METTL24: variants seen among roughly 807,000 people sequenced by gnomAD.
METTL24 encodes probable methyltransferase-like protein 24.
METTL24 carries 29 observed loss-of-function variants against 32.7 expected under a neutral mutation model. The observed-to-expected ratio is 0.89, with a 90% CI of 0.66 to 1.21. The LOEUF is 1.21. Ranked by LOEUF, METTL24 falls within the 50% of genes most tolerant of loss-of-function variation. The pLI is 0.00. For missense variants in METTL24, 439 were observed against 468.1 expected, an observed-to-expected ratio of 0.94 and a Z score of 0.57; for synonymous variants, 163 against 179.5, an observed-to-expected ratio of 0.91 and a Z score of 0.73.
At chr6:110,299,337 G>A (rs986955931) in intron 3 of METTL24, among the ~76,000 whole-genome samples, 187 bp from the exon 4 acceptor site, 8 of 151,960 alleles carry the variant, frequency 5.3e-5, no homozygotes, top group Non-Finnish European at 8.8e-5. Context: ...CAAAGCTTCT[G>A]GATAAAAGAT....
At chr6:110,289,543 G>A (rs1358658960) in intron 4 of METTL24, among the ~76,000 whole-genome samples, 1 of 151,320 alleles carries the variant, frequency 6.6e-6, no homozygotes, top group Admixed American at 6.6e-5. Flanking sequence ...TAGTTAAAAA[G>A]AAAATTAAAG....
rs561680159 is a variant in METTL24, at chr6:110,325,974, T to G, written c.319-3102A>C. 2.4e-4 allele frequency among the ~76,000 whole-genome samples: 36 copies of G among 152,328 alleles called. 1 individual carries two copies. The highest frequency in any genetic ancestry group is 7.7e-4 in the African/African-American group (32 of 41,566). Reference sequence around the variant, plus strand: ...ATACTTGACTGTCTCAAAAAGACACTGGATGGGCCTCAAAGGCGAGTTCTC... The same window carrying G: ...ATACTTGACTGTCTCAAAAAGACACGGGATGGGCCTCAAAGGCGAGTTCTC... On this transcript the variant is annotated intron_variant, in intron 1 of 4. Transcript: ENST00000338882.
At chr6:110,303,207 C>G (rs910129754) in intron 3 of METTL24, among the ~76,000 whole-genome samples, 3 of 152,152 alleles carry the variant, frequency 2.0e-5, no homozygotes, top group African/African-American at 4.8e-5. Flanking sequence ...CCACCAGAGC[C>G]CTGGGTTTCA....
At chr6:110,342,743 ATC>A (rs1772384619) in intron 1 of METTL24, among the ~76,000 whole-genome samples, 1 of 152,116 alleles carries the variant, frequency 6.6e-6, no homozygotes, top group Non-Finnish European at 1.5e-5. Flanking sequence ...GCAACCACTA[ATC>A]TACTTTCTGT....
intron 4 of METTL24, among the ~76,000 whole-genome samples, chr6:110,270,336 T>A (rs578216106): frequency 1.9e-4 from 29 of 151,734 alleles, no homozygotes; most frequent in African/African-American, 7.0e-4. Context: ...CATGAGGCAA[T>A]GCAGTTTTAC....
At chr6:110,324,715 G>A (rs1771989035) in intron 1 of METTL24, among the ~76,000 whole-genome samples, 1 of 152,194 alleles carries the variant, frequency 6.6e-6, no homozygotes. Flanking sequence ...ACTCTAGTAA[G>A]AGAGCTGGAG....
At chr6:110,296,925 C>T (rs1456952260) in intron 4 of METTL24, among the ~76,000 whole-genome samples, 1 of 152,204 alleles carries the variant, frequency 6.6e-6, no homozygotes, top group Non-Finnish European at 1.5e-5. Flanking sequence ...TCTAGCCCCG[C>T]ATAGCTCCTA....
chr6:110,299,036 C>T lies in METTL24; in HGVS notation c.672G>A (p.Trp224Ter), dbSNP rs780690073. The T allele has an allele frequency of 6.2e-7, 1 of 1,614,148 alleles. No homozygotes were observed. Among genetic ancestry groups the T allele is most frequent in the Non-Finnish European group, 8.5e-7 (1 of 1,180,020 alleles). The change falls in exon 4 of 5, where the codon TGG becomes TGA. Residue 224 changes from tryptophan to a stop codon, truncating the protein, a stop_gained. Transcript: ENST00000338882. LOFTEE classifies it high-confidence loss of function. ...GCCAGTCAATGGACAAGCGGTGATA[C>T]CAAAGGTGCTGACTCTCCAGAATGT... Reference protein sequence around the residue: ...SAHILESQHLWYHRLSIDWRD... With the variant: ...SAHILESQHL
intron 3 of METTL24, among the ~76,000 whole-genome samples, chr6:110,314,878 C>A (rs544677468): frequency 3.3e-5 from 5 of 152,208 alleles, no homozygotes; most frequent in African/African-American, 1.2e-4. Flanking sequence ...GTGGGAAGAT[C>A]ACTGGAGCCT....
chr6:110,278,928 G>A (rs1038208300), intron 4 of METTL24, among the ~76,000 whole-genome samples: 2 of 152,092 alleles, frequency 1.3e-5, no homozygotes, highest in Non-Finnish European at 2.9e-5. Context: ...AGGCTGAGGT[G>A]GGAGGATCGC....
intron 1 of METTL24, among the ~76,000 whole-genome samples, chr6:110,335,061 C>A (rs749016760): frequency 6.6e-6 from 1 of 152,138 alleles, no homozygotes; most frequent in Non-Finnish European, 1.5e-5. Flanking sequence ...CGACTGGACT[C>A]CTCTGGAACC....
rs1387136305 is a variant in METTL24 at position 110,245,270 on chromosome 6, C to G, written c.*676G>C. 6.6e-6 allele frequency among the ~76,000 whole-genome samples: 1 copy of G among 152,140 alleles called. No individual in the cohort carries two copies. The highest frequency in any genetic ancestry group is 1.5e-5 in the Non-Finnish European group (1 of 68,022). Reference sequence around the variant, plus strand: ...AATTCTCTGTCTGGCTGTCTTCAAGCTGGGACATGGGTCTTGGTGAGGTCA... The same window carrying G: ...AATTCTCTGTCTGGCTGTCTTCAAGGTGGGACATGGGTCTTGGTGAGGTCA... On this transcript the variant is annotated 3_prime_UTR_variant, in exon 5 of 5. Transcript: ENST00000338882.
At chr6:110,275,306 C>T (rs936264221) in intron 4 of METTL24, among the ~76,000 whole-genome samples, 33 of 152,218 alleles carry the variant, frequency 2.2e-4, no homozygotes, top group African/African-American at 7.5e-4. Context: ...ACCCCCCTTT[C>T]TTGCCTCATG....
intron 1 of METTL24, among the ~76,000 whole-genome samples, chr6:110,335,566 GTTTTTT>G (rs527344096): frequency 0.027 from 1,757 of 66,218 alleles, 17 homozygotes; most frequent in African/African-American, 0.077. Flanking sequence ...GGGAATCATT[GTTTTTT>G]TTTTTTTTTT....
At chr6:110,344,058 A>G (rs1310516389) in intron 1 of METTL24, among the ~76,000 whole-genome samples, 1 of 152,190 alleles carries the variant, frequency 6.6e-6, no homozygotes, top group East Asian at 1.9e-4. Flanking sequence ...GCTGGAAGAG[A>G]TGAGATCACC....
At chr6:110,259,761 G>C (rs1364948558) in intron 4 of METTL24, among the ~76,000 whole-genome samples, 1 of 152,158 alleles carries the variant, frequency 6.6e-6, no homozygotes, top group Admixed American at 6.5e-5. Context: ...ACTCCTCTGA[G>C]ACAAAACTTC....
Position 110,342,114 on chromosome 6 carries a change from A to G in METTL24, c.318+15841T>C, listed in dbSNP as rs143585166. On this transcript the variant is annotated intron_variant, in intron 1 of 4. Coordinates refer to ENST00000338882, the MANE Select transcript of METTL24 (RefSeq NM_001123364.3). ...AGCTTCCTGGCCACATCTTTTGACA[A>G]CCCCCTGGTGGTCAGTGTCAGTGCT... 2.6e-4 allele frequency among the ~76,000 whole-genome samples: 40 copies of G among 152,230 alleles called. No individual in the cohort carries two copies. In the East Asian group the frequency reaches 4.6e-3, roughly 18 times the overall value.
intron 1 of METTL24, among the ~76,000 whole-genome samples, chr6:110,350,762 CAAAAT>C (rs57785468): frequency 0.19 from 21,967 of 115,504 alleles, 2,384 homozygotes; most frequent in Middle Eastern, 0.28. Flanking sequence ...CCTGTCTCAA[CAAAAT>C]AAAATAAAAT....
intron 3 of METTL24, among the ~76,000 whole-genome samples, chr6:110,302,868 G>A (rs1328601909): frequency 2.0e-5 from 3 of 152,034 alleles, no homozygotes; most frequent in African/African-American, 7.2e-5. Context: ...AGAGTTTCTG[G>A]CAAGATATGG....
Sources: allele counts gnomAD v4.1 joint callset (sites outside exome capture counted in the v4.1 genomes callset), GRCh38; gene constraint gnomAD v4.1.1; transcripts MANE v1.5; gene names NCBI Gene and HGNC (gene_info 2026-07-23, HGNC 2026-07-21).